The following STK3 variants were observed in gnomAD, a reference collection of about 807,000 sequenced individuals.
STK3 encodes the protein serine/threonine kinase 3.
STK3 carries 41 observed loss-of-function variants against 58.0 expected under a neutral mutation model. The ratio of observed to expected loss-of-function variants is 0.71; its 90% CI spans 0.55 to 0.92. The LOEUF (loss-of-function observed/expected upper bound fraction) is 0.92, where lower values mean the gene tolerates loss of function less well. Ranked by LOEUF, STK3 falls within the 40% of genes least tolerant of loss-of-function variation. The pLI, the probability that STK3 is intolerant of heterozygous loss-of-function variation, is 0.00. For missense variants in STK3, 479 were observed against 602.7 expected (o/e 0.79, Z 2.15); for synonymous variants, 170 against 191.0 (o/e 0.89, Z 0.91).
intron 4 of STK3, among the ~76,000 whole-genome samples, chr8:98,726,859 G>C (rs1233886129): frequency 6.6e-6 from 1 of 152,190 alleles, no homozygotes. Context: ...GGAAAAAAGA[G>C]ATGGGACCCA....
At chr8:98,782,861 A>C (rs1223814336) in intron 1 of STK3, among the ~76,000 whole-genome samples, 1 of 152,142 alleles carries the variant, frequency 6.6e-6, no homozygotes, top group African/African-American at 2.4e-5. Context: ...CACATGAAAA[A>C]GAAACAAATG....
chr8:98,624,491 A>T (rs768049716), intron 6 of STK3, among the ~76,000 whole-genome samples: 18 of 152,294 alleles, frequency 1.2e-4, no homozygotes, highest in Admixed American at 5.2e-4. Context: ...TTACTATGGG[A>T]TTAGTGTAGT....
At chr8:98,916,489 G>A (rs138400294) in intron 1 of STK3, among the ~76,000 whole-genome samples, 1 of 152,268 alleles carries the variant, frequency 6.6e-6, no homozygotes, top group African/African-American at 2.4e-5. Context: ...TGCAGTGAAG[G>A]ATGCCAAAAA....
chr8:98,558,819 T>C (rs766613074), intron 8 of STK3, among the ~76,000 whole-genome samples: 9 of 152,126 alleles, frequency 5.9e-5, no homozygotes, highest in African/African-American at 9.7e-5. Flanking sequence ...TGTATTTTTA[T>C]TGTTTAAATT....
intron 1 of STK3, among the ~76,000 whole-genome samples, chr8:98,442,063 G>A (rs1004406874): frequency 6.6e-6 from 1 of 152,126 alleles, no homozygotes; most frequent in African/African-American, 2.4e-5. Flanking sequence ...GCTTTGGGGC[G>A]GCCCAAGTTG....
intron 4 of STK3, among the ~76,000 whole-genome samples, chr8:98,741,965 A>C (rs1403646438): frequency 6.6e-6 from 1 of 152,202 alleles, no homozygotes; most frequent in Non-Finnish European, 1.5e-5. Flanking sequence ...CTACGCAAAT[A>C]AACTAGAAAA....
At chr8:98,854,358 C>A (rs950093630) in intron 3 of STK3, among the ~76,000 whole-genome samples, 1 of 152,030 alleles carries the variant, frequency 6.6e-6, no homozygotes, top group Non-Finnish European at 1.5e-5. Context: ...AGGCTGATCT[C>A]GAACTCCTGA....
chr8:98,494,580 A>C (rs1004725805), intron 10 of STK3, among the ~76,000 whole-genome samples: 1 of 143,596 alleles, frequency 7.0e-6, no homozygotes, highest in Non-Finnish European at 1.5e-5. Flanking sequence ...ACTTAAGACC[A>C]GGAGTTCAAG....
At chr8:98,847,613 C>T (rs900815305) in intron 3 of STK3, among the ~76,000 whole-genome samples, 5 of 152,082 alleles carry the variant, frequency 3.3e-5, no homozygotes, top group Admixed American at 2.6e-4. Flanking sequence ...ATTACTGTCA[C>T]CTTTGTAGTG....
chr8:98,736,921 G>A (rs1344971131), intron 4 of STK3, among the ~76,000 whole-genome samples: 1 of 152,060 alleles, frequency 6.6e-6, no homozygotes, highest in African/African-American at 2.4e-5. Context: ...CCATTACTCT[G>A]AGAAAGCTTA....
intron 2 of STK3, among the ~76,000 whole-genome samples, chr8:98,372,477 C>T (rs1488142187): frequency 6.6e-6 from 1 of 152,182 alleles, no homozygotes; most frequent in African/African-American, 2.4e-5. Flanking sequence ...CCCAGCTCTG[C>T]CCAGTGGGGT....
chr8:98,871,266 G>C lies in STK3; in HGVS notation c.110+12381C>G, dbSNP rs1428040878. On this transcript the variant is annotated intron_variant, in intron 3 of 12. Transcript: ENST00000523601. ...CTGTAGCCTTGTAGTATAGTTTGAG[G>C]TCAGGAAGTGTGATGCCTCCAGCTT... Among the ~76,000 whole-genome samples the C allele has an allele frequency of 2.0e-5, 3 of 152,172 alleles. No individual in the cohort carries two copies. In the South Asian group the frequency reaches 6.2e-4, roughly 31 times the overall value.
At chr8:98,695,109 G>C (rs1824765589) in intron 6 of STK3, among the ~76,000 whole-genome samples, 1 of 152,236 alleles carries the variant, frequency 6.6e-6, no homozygotes, top group Non-Finnish European at 1.5e-5. Flanking sequence ...CAGTGATGGT[G>C]AGCATTTTTT....
the STK3 span, among the ~76,000 whole-genome samples, chr8:98,351,659 C>T: frequency 1.3e-5 from 2 of 152,130 alleles, no homozygotes; most frequent in Admixed American, 1.3e-4. Flanking sequence ...CCCTCTGCAA[C>T]CCCCACCTCC....
At chr8:98,361,484 G>A in the STK3 span, among the ~76,000 whole-genome samples, 1 of 152,140 alleles carries the variant, frequency 6.6e-6, no homozygotes, top group Admixed American at 6.5e-5. Context: ...GTGGCATGCA[G>A]GTAATAATAA....
chr8:98,897,401 C>T (rs1008719164), intron 1 of STK3, among the ~76,000 whole-genome samples: 4 of 151,018 alleles, frequency 2.6e-5, no homozygotes, highest in Non-Finnish European at 4.4e-5. Flanking sequence ...ACTAAAAATA[C>T]AAAAAAAAAT....
At chr8:98,870,725 G>A (rs1276769311) in intron 3 of STK3, among the ~76,000 whole-genome samples, 2 of 152,148 alleles carry the variant, frequency 1.3e-5, no homozygotes, top group Non-Finnish European at 2.9e-5. Context: ...TAAGTTCTTT[G>A]TAGATTCTGG....
chr8:98,789,163 T>C (rs1245569315), intron 1 of STK3, among the ~76,000 whole-genome samples: 1 of 152,236 alleles, frequency 6.6e-6, no homozygotes, highest in Non-Finnish European at 1.5e-5. Context: ...TAAATGATCA[T>C]TGGGTCAAAA....
intron 6 of STK3, among the ~76,000 whole-genome samples, chr8:98,657,748 T>G (rs1192621613): frequency 6.6e-6 from 1 of 152,058 alleles, no homozygotes; most frequent in Non-Finnish European, 1.5e-5. Flanking sequence ...CTTAATGTGA[T>G]TTCTTAAAAT....
Sources: gnomAD v4.1 joint callset for allele counts (sites outside exome capture counted in the v4.1 genomes callset) on GRCh38, gnomAD v4.1.1 for gene constraint, MANE v1.5 for transcripts, NCBI Gene and HGNC (gene_info 2026-07-23, HGNC 2026-07-21) for gene names.